SHANK2: variants seen among roughly 807,000 people sequenced by gnomAD.
SHANK2 encodes SH3 and multiple ankyrin repeat domains protein 2.
A neutral mutation model predicts 133.7 loss-of-function variants in SHANK2; 43 were observed. That is an observed-to-expected ratio of 0.32 (90% confidence interval 0.25 to 0.41). The LOEUF is 0.41. Among genes scored for constraint, SHANK2 ranks in the 10% least tolerant of loss-of-function variants. The probability of loss-of-function intolerance (pLI) is 1.00; values close to 1 mark genes in which losing one functional copy is unlikely to be tolerated. For synonymous variants in SHANK2, 1,017 were observed against 952.8 expected (o/e 1.07, Z -1.24); for missense variants, 1,994 against 2,235.8 (o/e 0.89, Z 2.18).
chr11:70,710,163 G>T (rs932530699), intron 14 of SHANK2, among the ~76,000 whole-genome samples: 5 of 152,176 alleles, frequency 3.3e-5, no homozygotes, highest in Non-Finnish European at 7.3e-5. Context: ...CTCCTCAGTG[G>T]CCGTGGGAAG....
intron 10 of SHANK2, among the ~76,000 whole-genome samples, chr11:70,929,164 T>C (rs1950468506): frequency 6.6e-6 from 1 of 152,146 alleles, no homozygotes; most frequent in South Asian, 2.1e-4. Flanking sequence ...GTTAGTGGTG[T>C]GTGTATCATA....
chr11:71,211,192 CTTTTTTTTTT>C (rs34505384), intron 2 of SHANK2, among the ~76,000 whole-genome samples: 16 of 101,970 alleles, frequency 1.6e-4, no homozygotes, highest in African/African-American at 4.1e-4. Flanking sequence ...GGTCAATTTC[CTTTTTTTTTT>C]TTTTTTTTTT....
chr11:70,547,364 G>A (rs1203756631), intron 17 of SHANK2, among the ~76,000 whole-genome samples: 3 of 152,120 alleles, frequency 2.0e-5, no homozygotes, highest in African/African-American at 7.2e-5. Flanking sequence ...GGGTTCAAGC[G>A]ATTCTCCTGC....
intron 12 of SHANK2, among the ~76,000 whole-genome samples, chr11:70,809,679 G>T (rs1464723908): frequency 1.3e-5 from 2 of 152,160 alleles, no homozygotes; most frequent in Admixed American, 6.5e-5. Context: ...AGCAGATTGG[G>T]CCTGAATACT....
chr11:70,610,066 C>G (rs1435166472), intron 17 of SHANK2, among the ~76,000 whole-genome samples: 1 of 149,846 alleles, frequency 6.7e-6, no homozygotes, highest in Non-Finnish European at 1.5e-5. Flanking sequence ...AGGGGAGCGG[C>G]TGCCAGGAGG....
At chr11:70,897,801 A>G (rs1177941162) in intron 10 of SHANK2, among the ~76,000 whole-genome samples, 2 of 152,182 alleles carry the variant, frequency 1.3e-5, no homozygotes, top group Non-Finnish European at 2.9e-5. Context: ...TATTCCTCAG[A>G]AAGTCTTCGC....
intron 17 of SHANK2, among the ~76,000 whole-genome samples, chr11:70,583,318 G>C (rs1364528623): frequency 1.3e-5 from 2 of 152,140 alleles, no homozygotes; most frequent in African/African-American, 4.8e-5. Flanking sequence ...GTGACCTGGA[G>C]GGCAAGGGTA....
Position 71,094,926 on chromosome 11 carries a change from G to A in SHANK2, c.593-238C>T, listed in dbSNP as rs549201839. ...GTACAACACAGCGGTGGCAGAGGCA[G>A]GGATTCAACAGGACTGCTGTGTGGG... On this transcript the variant is annotated intron_variant, in intron 6 of 25. Coordinates refer to ENST00000601538, the MANE Select transcript of SHANK2 (RefSeq NM_012309.5). Among the ~76,000 whole-genome samples the A allele has an allele frequency of 3.3e-5, 5 of 152,362 alleles. No individual in the cohort carries two copies. The South Asian group carries it at 1.0e-3, about 32-fold the overall frequency.
At chr11:70,521,377 T>G (rs2059328285) in intron 17 of SHANK2, among the ~76,000 whole-genome samples, 1 of 152,258 alleles carries the variant, frequency 6.6e-6, no homozygotes, top group Non-Finnish European at 1.5e-5. Flanking sequence ...CTTGACATAA[T>G]TTGTTAATGC....
chr11:70,662,069 C>T lies in SHANK2; in HGVS notation c.1854-391G>A, dbSNP rs960047399. On this transcript the variant is annotated intron_variant, in intron 15 of 25. Transcript: ENST00000601538. The stretch of plus-strand genomic sequence containing the variant: ...GCGGCGGCAGCGGCGGCCTCAGCAG[C>T]GGCGGCGTCGGGAATGAGCTCCTCC... 55 of 483,108 alleles carry T rather than the reference C, an allele frequency of 1.1e-4. No individual in the cohort carries two copies. The Admixed American group carries it at 1.8e-3, about 16-fold the overall frequency. 29.9% of individuals were successfully genotyped at this position (483,108 alleles called of 1,614,324 possible).
At chr11:70,947,221 C>T (rs1555085654) in intron 10 of SHANK2, among the ~76,000 whole-genome samples, 1 of 151,240 alleles carries the variant, frequency 6.6e-6, no homozygotes, top group Admixed American at 6.6e-5. Flanking sequence ...AACAGCCCTG[C>T]AGTACCCAAA....
chr11:70,863,345 C>G (rs1194162714), intron 11 of SHANK2: 3 of 458,078 alleles, frequency 6.5e-6, no homozygotes, highest in Non-Finnish European at 1.3e-5. Flanking sequence ...GATGCCGGCT[C>G]CCCGAACACA....
chr11:71,152,422 A>G (rs1190334591), intron 2 of SHANK2, among the ~76,000 whole-genome samples: 1 of 152,128 alleles, frequency 6.6e-6, no homozygotes, highest in Non-Finnish European at 1.5e-5. Context: ...CCAGAAATTC[A>G]CTGTTTTTAA....
intron 10 of SHANK2, among the ~76,000 whole-genome samples, chr11:70,944,645 G>A (rs1275168337): frequency 6.6e-6 from 1 of 152,014 alleles, no homozygotes; most frequent in African/African-American, 2.4e-5. Flanking sequence ...TCTATTCCCT[G>A]AGTTCTGAGC....
chr11:70,637,336 C>T (rs782230038), intron 17 of SHANK2, among the ~76,000 whole-genome samples: 2 of 152,154 alleles, frequency 1.3e-5, no homozygotes, highest in Non-Finnish European at 2.9e-5. Flanking sequence ...TGAGTACGGA[C>T]TCAGTGTGTG....
At chr11:70,680,589 T>C (rs1286845836) in intron 15 of SHANK2, among the ~76,000 whole-genome samples, 2 of 152,084 alleles carry the variant, frequency 1.3e-5, no homozygotes, top group East Asian at 3.9e-4. Flanking sequence ...CATCTCCTAA[T>C]CCACCACCAG....
intron 17 of SHANK2, among the ~76,000 whole-genome samples, chr11:70,592,824 C>T (rs1283967025): frequency 2.0e-5 from 3 of 152,236 alleles, no homozygotes; most frequent in Non-Finnish European, 2.9e-5. Context: ...CCTCTGCATG[C>T]ACCTTCAGGG....
intron 22 of SHANK2, among the ~76,000 whole-genome samples, chr11:70,490,775 C>G (rs1467674998): frequency 6.6e-6 from 1 of 151,932 alleles, no homozygotes; most frequent in Non-Finnish European, 1.5e-5. Context: ...TGGCCTGGGT[C>G]CATACCCCAC....
intron 2 of SHANK2, among the ~76,000 whole-genome samples, chr11:71,154,264 T>C (rs1307320331): frequency 6.6e-6 from 1 of 152,230 alleles, no homozygotes; most frequent in African/African-American, 2.4e-5. Flanking sequence ...AGCACTCCAT[T>C]GGAACCTGTG....
Sources: gnomAD v4.1 joint callset for allele counts (sites outside exome capture counted in the v4.1 genomes callset) on GRCh38, gnomAD v4.1.1 for gene constraint, MANE v1.5 for transcripts, NCBI Gene and HGNC (gene_info 2026-07-23, HGNC 2026-07-21) for gene names.